DCAF8L2: variants seen among roughly 807,000 people sequenced by gnomAD.
DCAF8L2 encodes DDB1- and CUL4-associated factor 8-like protein 2.
For synonymous variants in DCAF8L2, 200 were observed against 190.9 expected (o/e 1.05, Z -0.39); for missense variants, 430 against 490.7 (o/e 0.88, Z 1.17).
At chrX:27,697,769 T>C (rs1168135437) in intron 3 of DCAF8L2, among the ~76,000 whole-genome samples, 1 of 110,678 alleles carries the variant, frequency 9.0e-6, no homozygotes, top group Non-Finnish European at 1.9e-5. Context: ...AATGAATAAC[T>C]CTTTATAATC....
the DCAF8L2 span, among the ~76,000 whole-genome samples, chrX:27,491,191 T>C: frequency 6.2e-5 from 7 of 112,909 alleles, no homozygotes; most frequent in Admixed American, 6.6e-4. Flanking sequence ...TTTGTACTTT[T>C]TTGTTTTATT....
chrX:27,523,216 A>G, the DCAF8L2 span, among the ~76,000 whole-genome samples: 4 of 111,973 alleles, frequency 3.6e-5, no homozygotes, highest in Non-Finnish European at 7.5e-5. Flanking sequence ...AACACAGCTA[A>G]GACTTAATGG....
At chrX:27,563,561 T>A in the DCAF8L2 span, among the ~76,000 whole-genome samples, 1 of 112,415 alleles carries the variant, frequency 8.9e-6, no homozygotes, top group Non-Finnish European at 1.9e-5. Flanking sequence ...TGATTTTTCA[T>A]GTCTTGGGCA....
the DCAF8L2 span, among the ~76,000 whole-genome samples, chrX:27,478,501 A>G: frequency 8.9e-6 from 1 of 112,367 alleles, no homozygotes; most frequent in African/African-American, 3.2e-5. Context: ...TGTGAAAGAT[A>G]CATAATTCAT....
At chrX:27,548,417 G>T in the DCAF8L2 span, among the ~76,000 whole-genome samples, 3 of 111,441 alleles carry the variant, frequency 2.7e-5, no homozygotes, top group African/African-American at 9.8e-5. Context: ...AAGGATTTTA[G>T]CCAAAGAAGA....
At chrX:27,626,200 C>T (rs770175494) in intron 1 of DCAF8L2, among the ~76,000 whole-genome samples, 1 of 111,213 alleles carries the variant, frequency 9.0e-6, no homozygotes, top group South Asian at 3.8e-4. Context: ...GCTCATCTGA[C>T]GGGAGCTAGA....
At chrX:27,503,574 C>G in the DCAF8L2 span, among the ~76,000 whole-genome samples, 5 of 110,270 alleles carry the variant, frequency 4.5e-5, no homozygotes, top group African/African-American at 1.6e-4. Context: ...TGCATTTTCA[C>G]TTTTGCAAAA....
intron 4 of DCAF8L2, among the ~76,000 whole-genome samples, chrX:27,734,640 C>T (rs1921417979): frequency 8.9e-6 from 1 of 111,985 alleles, no homozygotes; most frequent in Non-Finnish European, 1.9e-5. Flanking sequence ...ACTTTTTAAA[C>T]TAATCTGCCT....
intron 3 of DCAF8L2, among the ~76,000 whole-genome samples, chrX:27,698,730 T>A (rs762987305): frequency 9.0e-6 from 1 of 111,551 alleles, no homozygotes; most frequent in Admixed American, 9.6e-5. Flanking sequence ...GTCTGACTTT[T>A]AAAAAAAATG....
At chrX:27,568,321 C>A in the DCAF8L2 span, among the ~76,000 whole-genome samples, 2 of 111,514 alleles carry the variant, frequency 1.8e-5, no homozygotes, top group Non-Finnish European at 3.8e-5. Flanking sequence ...ACCTTCAAAT[C>A]AAGCTTCAAA....
chrX:27,505,513 A>G, the DCAF8L2 span, among the ~76,000 whole-genome samples: 5 of 112,089 alleles, frequency 4.5e-5, no homozygotes, highest in Non-Finnish European at 9.4e-5. Context: ...ATTTCAATAC[A>G]TAGATATATC....
chrX:27,527,456 G>C, the DCAF8L2 span, among the ~76,000 whole-genome samples: 1 of 111,135 alleles, frequency 9.0e-6, no homozygotes, highest in African/African-American at 3.3e-5. Flanking sequence ...GGAATTCCCT[G>C]ACCCCTTTTG....
At chrX:27,473,316 G>A in the DCAF8L2 span, among the ~76,000 whole-genome samples, 2 of 111,791 alleles carry the variant, frequency 1.8e-5, no homozygotes, top group African/African-American at 6.5e-5. Context: ...TTATTATCCT[G>A]AACAGTTTTT....
At chrX:27,682,096 C>T (rs767693724) in intron 3 of DCAF8L2, among the ~76,000 whole-genome samples, 51 of 110,644 alleles carry the variant, frequency 4.6e-4, no homozygotes, top group South Asian at 1.1e-3. Context: ...CCCAGGTAGC[C>T]GGGACTACTG....
intron 3 of DCAF8L2, among the ~76,000 whole-genome samples, chrX:27,709,347 T>A (rs1014223174): frequency 6.2e-5 from 7 of 112,877 alleles, no homozygotes; most frequent in African/African-American, 9.7e-5. Flanking sequence ...ACACTTTTTT[T>A]ATAACATTAT....
chrX:27,518,609 TG>T, the DCAF8L2 span: 1 of 265,971 alleles, frequency 3.8e-6, no homozygotes, highest in Non-Finnish European at 6.7e-6. Flanking sequence ...CTTGGTGGCT[TG>T]CACCTGTAAT....
intron 1 of DCAF8L2, among the ~76,000 whole-genome samples, chrX:27,619,002 C>CT (rs1258197393): frequency 1.3e-5 from 1 of 74,680 alleles, no homozygotes; most frequent in African/African-American, 4.5e-5. Context: ...ATATCTATAT[C>CT]TAATCTATCT....
intron 3 of DCAF8L2, among the ~76,000 whole-genome samples, chrX:27,689,520 C>T (rs1441820829): frequency 1.8e-5 from 2 of 112,855 alleles, no homozygotes; most frequent in African/African-American, 3.2e-5. Context: ...GCTGGGATTA[C>T]AGGCGTGAGC....
In DCAF8L2 at chrX:27,747,876, G is replaced by C. The variant is rs1301060508; in HGVS notation, c.981G>C (p.Glu327Asp). The C allele has an allele frequency of 2.5e-6, 3 of 1,210,391 alleles. No individual in the cohort carries two copies. The highest frequency in any genetic ancestry group is 2.2e-6 in the Non-Finnish European group (2 of 894,567). ...HRGPAHKLAL[E>D]PDSPYKFLTS... ...GACCTGCCCACAAGTTGGCTCTGGA[G>C]CCTGACTCTCCTTATAAGTTCCTCA... Residue 327 changes from glutamate (E) to aspartate (D), a missense_variant, in exon 5 of 5, where the codon GAG becomes GAC. Transcript: ENST00000451261.
Sources: allele counts gnomAD v4.1 joint callset (sites outside exome capture counted in the v4.1 genomes callset), GRCh38; gene constraint gnomAD v4.1.1; transcripts MANE v1.5; gene names NCBI Gene and HGNC (gene_info 2026-07-23, HGNC 2026-07-21).